THY1: variants seen among roughly 807,000 people sequenced by gnomAD.
The protein encoded by THY1 is thy-1 membrane glycoprotein.
Under a neutral mutation model 14.9 loss-of-function variants are expected in THY1, and 10 were observed. That is an observed-to-expected ratio of 0.67 (90% CI 0.41 to 1.14). The LOEUF (loss-of-function observed/expected upper bound fraction) is 1.14, where lower values mean the gene tolerates loss of function less well. Ranked by LOEUF, THY1 falls within the 50% of genes most tolerant of loss-of-function variation. THY1 has a pLI of 0.00. For missense variants in THY1, 159 were observed against 202.1 expected (o/e 0.79, Z 1.29); for synonymous variants, 80 against 90.0 (o/e 0.89, Z 0.63).
At chr11:119,423,522 T>G (rs1487989209), upstream of THY1, 1 of 277,370 alleles carries the variant, frequency 3.6e-6, no homozygotes, top group East Asian at 1.2e-4. Context: ...TTCAGGAGTC[T>G]GTGGGAAAAC....
chr11:119,419,793 G>T (rs182065141), intron 3 of THY1: 2 of 599,608 alleles, frequency 3.3e-6, no homozygotes, highest in Non-Finnish European at 5.9e-6. Context: ...CTGTTTTCCC[G>T]CTGGGAGAAG....
Position 119,419,138 on chromosome 11 carries a change from A to G in THY1, c.*270T>C, listed in dbSNP as rs1273500719. The G allele has an allele frequency of 9.0e-6, 4 of 442,674 alleles. No individual in the cohort carries two copies. The highest frequency in any genetic ancestry group is 1.3e-5 in the Non-Finnish European group (3 of 234,958). The allele number at this position is 442,674 out of a possible 1,614,324, so 27.4% of individuals were successfully genotyped here. ...CTTCCCTCTTCACGAACTCTCAAAGAAAAGGAAGGATAAAACCTAAATAAA... is the reference window on the plus strand; with the variant it reads ...CTTCCCTCTTCACGAACTCTCAAAGGAAAGGAAGGATAAAACCTAAATAAA... On this transcript the variant is annotated 3_prime_UTR_variant, in exon 4 of 4. Transcript: ENST00000284240.
intron 2 of THY1, 126 bp from the exon 3 acceptor site, chr11:119,420,512 C>G (rs955790713): frequency 3.3e-6 from 3 of 905,216 alleles, no homozygotes; most frequent in Middle Eastern, 7.0e-4. Context: ...GTGCCTTTCC[C>G]CACCCCAGGG....
intron 2 of THY1, 137 bp downstream of exon 2, chr11:119,420,732 G>C: frequency 9.2e-7 from 1 of 1,084,390 alleles, no homozygotes; most frequent in Non-Finnish European, 1.4e-6. Context: ...CAGCGCGGTG[G>C]ATTGGCTGAC....
intron 1 of THY1, chr11:119,421,547 C>T (rs1861899430): frequency 6.6e-6 from 1 of 152,224 alleles, no homozygotes; most frequent in Admixed American, 6.5e-5. Context: ...TGGCATATAG[C>T]ATACACTCCA....
intron 3 of THY1, chr11:119,419,782 C>T: frequency 1.7e-6 from 1 of 598,280 alleles, no homozygotes; most frequent in South Asian, 2.1e-5. Flanking sequence ...TGGTGTCATC[C>T]CTGTTTTCCC....
At position 119,416,326 on chromosome 11, in the gene THY1, C is replaced by A. The variant is rs369902914; in HGVS notation, c.*3082G>T. Among the ~76,000 whole-genome samples, 1 of 152,088 alleles carries A rather than the reference C, an allele frequency of 6.6e-6. No individual in the cohort carries two copies. The highest frequency in any genetic ancestry group is 2.4e-5 in the African/African-American group (1 of 41,410). On this transcript the variant is annotated 3_prime_UTR_variant, in exon 4 of 4. Transcript: ENST00000284240. ...ACAGGAACCAGGGCTGGGGGCCAGC[C>A]CTCTATAATTACCTGAGTCACCACA...
Position 119,419,065 on chromosome 11 carries a change from C to T in THY1, c.*343G>A. On this transcript the variant is annotated 3_prime_UTR_variant, in exon 4 of 4. Coordinates refer to ENST00000284240, the MANE Select transcript of THY1 (RefSeq NM_006288.5). ...CTCCAGTGGCTGGTACCCCACCATC[C>T]CACTACCCCTCACATGCTCTCACTC... The T allele has an allele frequency of 2.8e-6, 1 of 355,388 alleles. No individual in the cohort carries two copies. Among genetic ancestry groups the T allele is most frequent in the Non-Finnish European group, 5.5e-6 (1 of 180,944 alleles). The allele number at this position is 355,388 out of a possible 1,614,324, so 22.0% of individuals were successfully genotyped here.
intron 1 of THY1, chr11:119,421,739 G>T (rs1305775910): frequency 2.0e-5 from 3 of 152,182 alleles, no homozygotes; most frequent in Non-Finnish European, 4.4e-5. Flanking sequence ...CATAGCTAAG[G>T]ATGCTCCCAG....
chr11:119,419,501 C>A lies in THY1; in HGVS notation c.393G>T (p.Glu131Asp). 6.2e-7 allele frequency: 1 copy of A among 1,613,256 alleles called. No individual in the cohort carries two copies. Among genetic ancestry groups the A allele is most frequent in the Non-Finnish European group, 8.5e-7 (1 of 1,180,000 alleles). The change falls in exon 4 of 4, where the codon GAG (glutamate) becomes GAT (aspartate). Residue 131 changes from glutamate (E) to aspartate (D), a missense_variant. By Grantham distance (45) the Glu-to-Asp change is conservative. Coordinates refer to ENST00000284240, the MANE Select transcript of THY1 (RefSeq NM_006288.5). ...TVLRDKLVKCEGISLLAQNTS... is the reference protein window; with the variant it reads ...TVLRDKLVKCDGISLLAQNTS... ...TGTTCTGAGCCAGCAGGCTGATGCCCTCACACTTGACCAGTTTGTCTGCAG... is the reference window on the plus strand; with the variant it reads ...TGTTCTGAGCCAGCAGGCTGATGCCATCACACTTGACCAGTTTGTCTGCAG...
At chr11:119,423,474 C>T, upstream of THY1, 1 of 346,880 alleles carries the variant, frequency 2.9e-6, no homozygotes, top group South Asian at 2.2e-5. Context: ...AATGGTTGTT[C>T]CCCTTTTAAG....
intron 1 of THY1, chr11:119,421,674 G>C (rs1861903350): frequency 1.3e-5 from 2 of 152,262 alleles, no homozygotes; most frequent in Non-Finnish European, 1.5e-5. Flanking sequence ...ATATACGTGA[G>C]ACACAAATCC....
In THY1 at chr11:119,420,266, C is replaced by T. The variant is rs1861871973; in HGVS notation, c.158G>A (p.Ser53Asn). 1 of 1,614,278 alleles carries T rather than the reference C, an allele frequency of 6.2e-7. No individual in the cohort carries two copies. Among genetic ancestry groups the T allele is most frequent in the Non-Finnish European group, 8.5e-7 (1 of 1,180,052 alleles). The change falls in exon 3 of 4, where the codon AGC becomes AAC. Residue 53 changes from serine (S) to asparagine (N), a missense_variant. Transcript: ENST00000284240. ...TSSSPIQYEFSLTRETKKHVL... is the reference protein window; with the variant it reads ...TSSSPIQYEFNLTRETKKHVL... ...GTGCTTCTTTGTCTCACGGGTCAGGCTGAACTCGTACTGGATGGGTGAACT... is the reference window on the plus strand; with the variant it reads ...GTGCTTCTTTGTCTCACGGGTCAGGTTGAACTCGTACTGGATGGGTGAACT...
At position 119,416,009 on chromosome 11, in the gene THY1, G is replaced by A. The variant is rs190122834; in HGVS notation, c.*3399C>T. 2.0e-5 allele frequency among the ~76,000 whole-genome samples: 3 copies of A among 152,348 alleles called. No homozygotes were observed. The East Asian group carries it at 5.8e-4, about 29-fold the overall frequency. On this transcript the variant is annotated 3_prime_UTR_variant, in exon 4 of 4. Coordinates refer to ENST00000284240, the MANE Select transcript of THY1 (RefSeq NM_006288.5). Reference sequence around the variant, plus strand: ...GGTTGAGGAGGCGGGAGGGATGTGTGTCACAGGTCCCCGGACGCTGTGTAG... The same window carrying A: ...GGTTGAGGAGGCGGGAGGGATGTGTATCACAGGTCCCCGGACGCTGTGTAG...
chr11:119,423,348 C>T (rs1279576123), upstream of THY1: 2 of 371,306 alleles, frequency 5.4e-6, no homozygotes, highest in African/African-American at 2.1e-5. Flanking sequence ...CAGGTTGCGG[C>T]GGAAGGGGGC....
At chr11:119,423,918 G>A (rs1444686431), upstream of THY1, 3 of 152,462 alleles carry the variant, frequency 2.0e-5, no homozygotes, top group Non-Finnish European at 4.4e-5. Context: ...TTGGTCTTCA[G>A]ACCAGGAAGG....
At chr11:119,420,689 GT>G (rs1861882245) in intron 2 of THY1, 179 bp downstream of exon 2, 1 of 804,238 alleles carries the variant, frequency 1.2e-6, no homozygotes, top group Non-Finnish European at 2.0e-6. Flanking sequence ...AGCAAACTGT[GT>G]TTTCAAAAAC....
At chr11:119,423,686 G>A, upstream of THY1, 1 of 174,706 alleles carries the variant, frequency 5.7e-6, no homozygotes, top group Non-Finnish European at 1.2e-5. Flanking sequence ...TTTCAGTGTT[G>A]GAGCAGCCCT....
chr11:119,419,404 C>T lies in THY1; in HGVS notation c.*4G>A. On this transcript the variant is annotated 3_prime_UTR_variant, in exon 4 of 4. Coordinates refer to ENST00000284240, the MANE Select transcript of THY1 (RefSeq NM_006288.5). Reference sequence around the variant, plus strand: ...CTTCCTGTCTCCTCCATGGGCCCCACCAGTCACAGGGACATGAAATCCGTG... The same window carrying T: ...CTTCCTGTCTCCTCCATGGGCCCCATCAGTCACAGGGACATGAAATCCGTG... 1 of 1,613,342 alleles carries T rather than the reference C, an allele frequency of 6.2e-7. No homozygotes were observed.
Sources: allele counts gnomAD v4.1 joint callset (sites outside exome capture counted in the v4.1 genomes callset), GRCh38; gene constraint gnomAD v4.1.1; transcripts MANE v1.5; gene names NCBI Gene and HGNC (gene_info 2026-07-23, HGNC 2026-07-21).